Variants in CCL26 observed in about 807,000 individuals in gnomAD.
The protein encoded by CCL26 is C-C motif chemokine 26.
CCL26 carries 10 observed loss-of-function variants against 10.7 expected under a neutral mutation model. The ratio of observed to expected loss-of-function variants is 0.93; its 90% confidence interval spans 0.57 to 1.58. The LOEUF is 1.58. CCL26 is among the 40% of genes most tolerant of loss of function. CCL26 has a pLI of 0.00. For missense variants in CCL26, 116 were observed against 111.0 expected (o/e 1.05, Z -0.20); for synonymous variants, 43 against 41.4 (o/e 1.04, Z -0.15).
chr7:75,780,603 C>T (rs781981670), intron 1 of CCL26, among the ~76,000 whole-genome samples: 1 of 152,184 alleles, frequency 6.6e-6, no homozygotes. Context: ...GGCAAACAGT[C>T]TGAGGTGCCT....
At position 75,789,154 on chromosome 7, in the gene CCL26, A is replaced by G. The variant is rs146097041; in HGVS notation, c.-79+563T>C. Among the ~76,000 whole-genome samples, 624 of 137,608 alleles carry G rather than the reference A, an allele frequency of 4.5e-3. 2 individuals are homozygous for G. Among genetic ancestry groups the G allele is most frequent in the Admixed American group, 0.012 (155 of 12,462 alleles). 90.3% of individuals were successfully genotyped at this position (137,608 alleles called of 152,430 possible). ...GCGGGGGGGTCTCTCTGTGTTGCCCAGGCTGGTCTCAAACTCCTGGCCTCA... is the reference window on the plus strand; with the variant it reads ...GCGGGGGGGTCTCTCTGTGTTGCCCGGGCTGGTCTCAAACTCCTGGCCTCA... On this transcript the variant is annotated intron_variant, in intron 1 of 3. Coordinates refer to the CCL26 transcript ENST00000394905.
At chr7:75,784,006 C>T (rs538591643) in intron 1 of CCL26, among the ~76,000 whole-genome samples, 1 of 152,170 alleles carries the variant, frequency 6.6e-6, no homozygotes, top group Non-Finnish European at 1.5e-5. Flanking sequence ...CACAATAGGA[C>T]TTAATAACCT....
intron 1 of CCL26, among the ~76,000 whole-genome samples, chr7:75,789,096 A>C (rs1165328570): frequency 9.0e-6 from 1 of 110,892 alleles, no homozygotes; most frequent in Non-Finnish European, 1.8e-5. Flanking sequence ...TCATTTTTTG[A>C]TTTTTTTTTT....
chr7:75,772,271 A>G, upstream of CCL26: 1 of 879,380 alleles, frequency 1.1e-6, no homozygotes, highest in Non-Finnish European at 1.8e-6. Flanking sequence ...ACAATTCCAG[A>G]GAATTCTGTG....
chr7:75,772,240 G>T, upstream of CCL26: 1 of 1,177,736 alleles, frequency 8.5e-7, no homozygotes, highest in Non-Finnish European at 1.2e-6. Flanking sequence ...CCCCTTTTAT[G>T]AGACTGAGAC....
chr7:75,771,946 C>T lies in CCL26; in HGVS notation c.131G>A (p.Trp44Ter), dbSNP rs781892946. Residue 44 changes from tryptophan (W) to a stop codon, truncating the protein, a stop_gained, in exon 2 of 3, where the codon TGG becomes TAG. Coordinates refer to ENST00000005180, the MANE Select transcript of CCL26 (RefSeq NM_001371938.1). LOFTEE classifies it high-confidence loss of function. ...CFQYSHKPLP[W>*]TWVRSYEFTS... ...GAATTCATAGCTTCGCACCCAGGTC[C>T]AGGGAAGGGGCTTGTGGCTGTATTG... The T allele has an allele frequency of 2.5e-6, 4 of 1,614,022 alleles. No individual in the cohort carries two copies. The African/African-American group carries it at 5.3e-5, about 22-fold the overall frequency.
intron 2 of CCL26, among the ~76,000 whole-genome samples, chr7:75,770,374 T>C (rs543958043): frequency 1.3e-5 from 2 of 150,992 alleles, no homozygotes; most frequent in East Asian, 3.9e-4. Context: ...CTAGCCTTTA[T>C]TTTGTTTTAT....
At chr7:75,783,894 G>A (rs781984311) in intron 1 of CCL26, among the ~76,000 whole-genome samples, 2 of 151,900 alleles carry the variant, frequency 1.3e-5, no homozygotes, top group Non-Finnish European at 2.9e-5. Flanking sequence ...CACCCTGAAA[G>A]GTCAGAAGTC....
intron 1 of CCL26, among the ~76,000 whole-genome samples, chr7:75,787,514 A>G (rs533142384): frequency 4.0e-5 from 6 of 151,780 alleles, no homozygotes; most frequent in South Asian, 2.1e-4. Flanking sequence ...GCGTGGTGGC[A>G]GGCACCTGTA....
upstream of CCL26, among the ~76,000 whole-genome samples, chr7:75,790,111 CTT>C (rs1435903546): frequency 1.4e-5 from 2 of 147,364 alleles, no homozygotes; most frequent in Non-Finnish European, 3.0e-5. Flanking sequence ...CTCCTTTTCT[CTT>C]TCTTTTTCTT....
intron 2 of CCL26, among the ~76,000 whole-genome samples, chr7:75,770,812 C>T (rs1204967841): frequency 6.6e-6 from 1 of 151,924 alleles, no homozygotes; most frequent in Non-Finnish European, 1.5e-5. Context: ...AGTAACTGGG[C>T]TTACAGGCCT....
At chr7:75,777,942 A>G (rs1252339296) in intron 1 of CCL26, among the ~76,000 whole-genome samples, 1 of 150,816 alleles carries the variant, frequency 6.6e-6, no homozygotes, top group Non-Finnish European at 1.5e-5. Context: ...CTGGTCTCGA[A>G]CTCCTGGCCT....
chr7:75,776,217 G>A (rs1206094938), upstream of CCL26, among the ~76,000 whole-genome samples: 2 of 151,448 alleles, frequency 1.3e-5, no homozygotes, highest in Non-Finnish European at 2.9e-5. Flanking sequence ...GATTACAGGC[G>A]CACACCACCA....
At chr7:75,782,450 G>A (rs1345456062) in intron 1 of CCL26, among the ~76,000 whole-genome samples, 1 of 151,914 alleles carries the variant, frequency 6.6e-6, no homozygotes, top group Non-Finnish European at 1.5e-5. Context: ...TGCAGCCCAG[G>A]GCTGCTCCCC....
intron 1 of CCL26, among the ~76,000 whole-genome samples, chr7:75,778,497 G>A (rs1585012292): frequency 2.0e-5 from 3 of 150,350 alleles, no homozygotes; most frequent in African/African-American, 7.3e-5. Context: ...CTAATGGTGT[G>A]AAGTGATATA....
chr7:75,788,544 T>C (rs1305424271), intron 1 of CCL26, among the ~76,000 whole-genome samples: 1 of 152,028 alleles, frequency 6.6e-6, no homozygotes, highest in Admixed American at 6.6e-5. Context: ...TGGTGGTCTC[T>C]TCACATGGAC....
chr7:75,772,166 AG>A lies in CCL26; in HGVS notation c.10del (p.Leu4SerfsTer13), dbSNP rs1802838039. ...CAGGAGCACAGCAGAGGCCAAGGAGAGGCCCATCATGATGCTGCAAATCAGG... is the reference window on the plus strand; with the variant it reads ...CAGGAGCACAGCAGAGGCCAAGGAGAGCCCATCATGATGCTGCAAATCAGG... MMGLSLASAVLLAS... is the reference protein window; with the variant it reads MMGXSLASAVLLAS... On this transcript the variant is annotated frameshift_variant, in exon 1 of 3. Coordinates refer to ENST00000005180, the MANE Select transcript of CCL26 (RefSeq NM_001371938.1). LOFTEE classifies it high-confidence loss of function. 6.4e-7 allele frequency: 1 copy of A among 1,551,706 alleles called. No homozygotes were observed. The highest frequency in any genetic ancestry group is 1.4e-5 in the African/African-American group (1 of 73,158).
intron 1 of CCL26, among the ~76,000 whole-genome samples, chr7:75,779,927 C>A (rs1401161013): frequency 1.4e-5 from 2 of 145,828 alleles, no homozygotes; most frequent in South Asian, 4.4e-4. Context: ...GGCAAGCACC[C>A]CCCTCCCCTT....
At chr7:75,789,168 C>G (rs1554530427) in intron 1 of CCL26, among the ~76,000 whole-genome samples, 1 of 145,322 alleles carries the variant, frequency 6.9e-6, no homozygotes, top group East Asian at 2.1e-4. Context: ...TGGTCTCAAA[C>G]TCCTGGCCTC....
Sources: gnomAD v4.1 joint callset for allele counts (sites outside exome capture counted in the v4.1 genomes callset) on GRCh38, gnomAD v4.1.1 for gene constraint, MANE v1.5 for transcripts, NCBI Gene and HGNC (gene_info 2026-07-23, HGNC 2026-07-21) for gene names.